The following RFX7 variants were observed in gnomAD, a reference collection of about 807,000 sequenced individuals.
The protein encoded by RFX7 is regulatory factor X7.
RFX7 carries 26 observed loss-of-function variants against 111.8 expected under a neutral mutation model. The observed-to-expected ratio is 0.23, with a 90% confidence interval of 0.17 to 0.32. RFX7 has a LOEUF of 0.32. Ranked by LOEUF, RFX7 falls within the 10% of genes least tolerant of loss-of-function variation. The pLI is 1.00. For synonymous variants in RFX7, 624 were observed against 624.4 expected (o/e 1.00, Z 0.01); for missense variants, 1,573 against 1,772.9 (o/e 0.89, Z 2.02).
chr15:56,103,194 C>T (rs1053731848), intron 6 of RFX7, among the ~76,000 whole-genome samples: 1 of 107,848 alleles, frequency 9.3e-6, no homozygotes, highest in African/African-American at 3.6e-5. Context: ...AAGGAAGAAA[C>T]GAAGATAAGC....
At chr15:56,149,313 A>G (rs560911217) in intron 3 of RFX7, among the ~76,000 whole-genome samples, 6 of 152,318 alleles carry the variant, frequency 3.9e-5, no homozygotes, top group East Asian at 1.9e-4. Context: ...TAGTTACAAC[A>G]TCATAGATTA....
chr15:56,101,772 A>G lies in RFX7; in HGVS notation c.604-206T>C, dbSNP rs1282800116. Among the ~76,000 whole-genome samples, 5 of 152,348 alleles carry G rather than the reference A, an allele frequency of 3.3e-5. No homozygotes were observed. The South Asian group carries it at 1.0e-3, about 32-fold the overall frequency. On this transcript the variant is annotated intron_variant, in intron 7 of 9. Coordinates refer to ENST00000559447, the MANE Select transcript of RFX7 (RefSeq NM_022841.7). ...TGCACAGCAGTCAGCAGCCTTGCGA[A>G]TATAACATTTTAAATGGTTTTTAAA... is the stretch of plus-strand genomic sequence containing the variant.
In RFX7 at chr15:56,179,280, T is replaced by A; in HGVS notation, c.185A>T (p.Asp62Val). The change falls in exon 3 of 10, where the codon GAC becomes GTC. Residue 62 changes from aspartate (D) to valine (V), a missense_variant. This residue lies in a region of RFX7 where 191 missense variants were observed against 194.2 expected (regional missense o/e 0.98). Transcript: ENST00000559447. The part of the protein sequence containing the change: ...SICKTVQSKV[D>V]CILQEVEKFT... ...AGTTATTTCACTTACCAAAATGCAGTCCACTTTAGATTGTACAGTTTTGCT... is the reference window on the plus strand; with the variant it reads ...AGTTATTTCACTTACCAAAATGCAGACCACTTTAGATTGTACAGTTTTGCT... The A allele has an allele frequency of 7.7e-7, 1 of 1,291,788 alleles. No individual in the cohort carries two copies. The highest frequency in any genetic ancestry group is 2.3e-5 in the Admixed American group (1 of 44,048). 80.0% of individuals were successfully genotyped at this position (1,291,788 alleles called of 1,614,324 possible). A position where few individuals can be genotyped will look rare whatever the true frequency, so the allele number is the denominator to read the frequency against.
intron 2 of RFX7, among the ~76,000 whole-genome samples, chr15:56,225,763 G>C (rs1279815172): frequency 6.6e-6 from 1 of 152,094 alleles, no homozygotes; most frequent in Non-Finnish European, 1.5e-5. Context: ...AAACCTGCTT[G>C]CTGACTCACA....
At chr15:56,206,677 A>C (rs548489542) in intron 2 of RFX7, among the ~76,000 whole-genome samples, 1 of 152,294 alleles carries the variant, frequency 6.6e-6, no homozygotes, top group South Asian at 2.1e-4. Context: ...AAAAAAGAAC[A>C]ACATCCTGTC....
intron 3 of RFX7, among the ~76,000 whole-genome samples, chr15:56,162,642 G>GAA (rs140537968): frequency 8.3e-5 from 12 of 145,274 alleles, no homozygotes; most frequent in East Asian, 3.9e-4. Flanking sequence ...TAACAGGAGA[G>GAA]AAAAAAAAAA....
At chr15:56,165,252 C>T (rs1443098651) in intron 3 of RFX7, among the ~76,000 whole-genome samples, 2 of 152,114 alleles carry the variant, frequency 1.3e-5, no homozygotes, top group African/African-American at 4.8e-5. Context: ...CCTGGGGAAC[C>T]CCTGTTTTAA....
Position 56,101,613 on chromosome 15 carries a change from A to C in RFX7, c.604-47T>G, listed in dbSNP as rs1488299807. 11 of 1,475,842 alleles carry C rather than the reference A, an allele frequency of 7.5e-6. No homozygotes were observed. In the East Asian group the frequency reaches 2.3e-4, roughly 30 times the overall value. The allele number at this position is 1,475,842 out of a possible 1,614,324, so 91.4% of individuals were successfully genotyped here. A position where few individuals can be genotyped will look rare whatever the true frequency, so the allele number is the denominator to read the frequency against. On this transcript the variant is annotated intron_variant, in intron 7 of 9. Coordinates refer to ENST00000559447, the MANE Select transcript of RFX7 (RefSeq NM_022841.7). The stretch of plus-strand genomic sequence containing the variant: ...TGTTAACTTGTAAAAGACCAGAGAA[A>C]TTAAATTGAAGCATGTTAAAGATAT...
At chr15:56,244,191 G>A (rs925223072), upstream of RFX7, 1 of 152,268 alleles carries the variant, frequency 6.6e-6, no homozygotes, top group African/African-American at 2.4e-5. Flanking sequence ...TTCAAAGCAA[G>A]TAAAGAGAAA....
At chr15:56,177,380 T>TA (rs1162274904) in intron 3 of RFX7, among the ~76,000 whole-genome samples, 4 of 152,178 alleles carry the variant, frequency 2.6e-5, no homozygotes, top group Admixed American at 6.5e-5. Flanking sequence ...TTGTAATGCT[T>TA]AATTATTTAG....
chr15:56,133,677 A>G (rs1567020871), intron 5 of RFX7, among the ~76,000 whole-genome samples: 2 of 152,062 alleles, frequency 1.3e-5, no homozygotes, highest in Non-Finnish European at 2.9e-5. Flanking sequence ...GCTATATTCT[A>G]TTTAGTTTTC....
In RFX7 at chr15:56,135,597, T is replaced by C. The variant is rs1297998076; in HGVS notation, c.401+7181A>G. Among the ~76,000 whole-genome samples the C allele has an allele frequency of 8.0e-4, 121 of 152,114 alleles. 1 individual carries two copies. Among genetic ancestry groups the C allele is most frequent in the African/African-American group, 2.8e-3 (115 of 41,560 alleles). On this transcript the variant is annotated intron_variant, in intron 5 of 9. Transcript: ENST00000559447. Reference sequence around the variant, plus strand: ...TCACTCTGATGGTAGTTTCTTTTGCTGTGCAGAAGCTCTTTAGTTTAATTA... The same window carrying C: ...TCACTCTGATGGTAGTTTCTTTTGCCGTGCAGAAGCTCTTTAGTTTAATTA...
At chr15:56,110,147 T>C (rs1328686968) in intron 5 of RFX7, among the ~76,000 whole-genome samples, 2 of 83,976 alleles carry the variant, frequency 2.4e-5, no homozygotes, top group Non-Finnish European at 2.4e-5. Flanking sequence ...GGTGGGGGGG[T>C]CAGCCCCCCG....
Position 56,093,853 on chromosome 15 carries a change from A to C in RFX7, c.3875T>G (p.Val1292Gly), listed in dbSNP as rs542184585. 1 of 1,613,954 alleles carries C rather than the reference A, an allele frequency of 6.2e-7. No homozygotes were observed. The highest frequency in any genetic ancestry group is 8.5e-7 in the Non-Finnish European group (1 of 1,179,886). The change falls in exon 10 of 10, where the codon GTT becomes GGT. Residue 1292 changes from valine to glycine, a missense_variant. By Grantham distance (109) the Val-to-Gly change is moderately radical (BLOSUM62 -3). Around this residue, in one of 7 missense-constraint regions of RFX7, gnomAD observed 411 missense variants for 478.1 expected, o/e 0.86. Coordinates refer to ENST00000559447, the MANE Select transcript of RFX7 (RefSeq NM_022841.7). Reference protein sequence around the residue: ...NLTQILEPSTVFPSANPQNMI... With the variant: ...NLTQILEPSTGFPSANPQNMI... Reference sequence around the variant, plus strand: ...ATTTTGTGGGTTGGCACTAGGAAAAACAGTGGAAGGTTCCAAAATCTGAGT... The same window carrying C: ...ATTTTGTGGGTTGGCACTAGGAAAACCAGTGGAAGGTTCCAAAATCTGAGT...
chr15:56,154,176 G>A (rs2042617290), intron 3 of RFX7, among the ~76,000 whole-genome samples: 1 of 152,126 alleles, frequency 6.6e-6, no homozygotes, highest in Non-Finnish European at 1.5e-5. Context: ...TGGATAGGAA[G>A]AATCAATATC....
chr15:56,139,794 G>C (rs2042361968), intron 5 of RFX7, among the ~76,000 whole-genome samples: 1 of 151,990 alleles, frequency 6.6e-6, no homozygotes, highest in East Asian at 1.9e-4. Context: ...ATGGGTTTTT[G>C]GTGTGGATGT....
chr15:56,176,130 G>C (rs1014986833), intron 3 of RFX7, among the ~76,000 whole-genome samples: 3 of 152,084 alleles, frequency 2.0e-5, no homozygotes, highest in Admixed American at 6.6e-5. Flanking sequence ...AGAGAAACTA[G>C]AGCACAAATA....
chr15:56,095,740 G>A lies in RFX7; in HGVS notation c.1988C>T (p.Thr663Ile), dbSNP rs1469342740. Residue 663 changes from threonine to isoleucine, a missense_variant, in exon 10 of 10, where the codon ACA (threonine) becomes ATA (isoleucine). Transcript: ENST00000559447. Reference sequence around the variant, plus strand: ...AGGAGGCACCTGGGTCTCCTGCAATGTAGAAGACAGTCGTTTTCTTGGGCT... The same window carrying A: ...AGGAGGCACCTGGGTCTCCTGCAATATAGAAGACAGTCGTTTTCTTGGGCT... ...TKSPRKRLSS[T>I]LQETQVPPVK... The A allele has an allele frequency of 3.1e-6, 5 of 1,613,818 alleles. No homozygotes were observed. The highest frequency in any genetic ancestry group is 4.2e-6 in the Non-Finnish European group (5 of 1,179,854).
chr15:56,175,715 T>A (rs1173155467), intron 3 of RFX7, among the ~76,000 whole-genome samples: 2 of 152,056 alleles, frequency 1.3e-5, no homozygotes, highest in Non-Finnish European at 2.9e-5. Context: ...AAACACAAAT[T>A]TAACACAAAA....
Sources: allele counts gnomAD v4.1 joint callset (sites outside exome capture counted in the v4.1 genomes callset), GRCh38; gene constraint gnomAD v4.1.1; regional missense constraint gnomAD v4.1.1; transcripts MANE v1.5; gene names NCBI Gene and HGNC (gene_info 2026-07-23, HGNC 2026-07-21).